NDE1: variants seen among roughly 807,000 people sequenced by gnomAD.
The protein encoded by NDE1 is nuclear distribution protein nudE homolog 1.
In NDE1, 28 loss-of-function variants were observed where a neutral mutation model predicts 43.4. The observed-to-expected ratio is 0.65, with a 90% CI of 0.48 to 0.89. The LOEUF (loss-of-function observed/expected upper bound fraction) is 0.89, where lower values mean the gene tolerates loss of function less well. Among genes scored for constraint, NDE1 ranks in the 40% least tolerant of loss-of-function variants. NDE1 has a pLI of 0.00. For missense variants in NDE1, 441 were observed against 434.1 expected, an observed-to-expected ratio of 1.02 and a Z score of -0.14; for synonymous variants, 184 against 172.0, an observed-to-expected ratio of 1.07 and a Z score of -0.55.
rs564322384 is a variant in NDE1, at chr16:15,717,001, C to T, written c.948-7190C>T. 5.0e-4 allele frequency: 487 copies of T among 966,618 alleles called. 3 individuals carry two copies. Among genetic ancestry groups the T allele is most frequent in the Non-Finnish European group, 7.5e-4 (448 of 599,274 alleles). The allele number at this position is 966,618 out of a possible 1,614,324, so 59.9% of individuals were successfully genotyped here. On this transcript the variant is annotated intron_variant, in intron 8 of 8. Coordinates refer to ENST00000396354, the MANE Select transcript of NDE1 (RefSeq NM_017668.3). ...CTGTGTTTACGTTCAGTTCTCACAA[C>T]ATACCTGCACTGTAGGCATCACAGA...
At chr16:15,715,401 C>A in intron 8 of NDE1, 1 of 803,376 alleles carries the variant, frequency 1.2e-6, no homozygotes, top group South Asian at 1.4e-5. Context: ...AAGAATCAGT[C>A]AGATGGTGGA....
At chr16:15,661,852 C>G (rs1037697348) in intron 1 of NDE1, among the ~76,000 whole-genome samples, 1 of 152,120 alleles carries the variant, frequency 6.6e-6, no homozygotes, top group South Asian at 2.1e-4. Context: ...TCCCCTGCCC[C>G]GAAAAGTCAT....
upstream of NDE1, among the ~76,000 whole-genome samples, chr16:15,646,644 A>G (rs558926862): frequency 1.0e-3 from 158 of 152,220 alleles, 1 homozygote; most frequent in African/African-American, 3.5e-3. Context: ...AGGCAGGAGA[A>G]TCGCTTGAAC....
At chr16:15,685,868 C>G (rs2038410552) in intron 4 of NDE1, among the ~76,000 whole-genome samples, 1 of 151,646 alleles carries the variant, frequency 6.6e-6, no homozygotes, top group Non-Finnish European at 1.5e-5. Context: ...GGTCTGGGGA[C>G]AGACACAGGG....
At chr16:15,677,991 TCTG>T (rs1322798446) in intron 4 of NDE1, 42 bp downstream of exon 4, 3 of 1,611,928 alleles carry the variant, frequency 1.9e-6, no homozygotes, top group Non-Finnish European at 2.5e-6. Context: ...GACTCTCCTC[TCTG>T]CTTTTTGTCC....
chr16:15,656,669 T>G (rs1206531436), intron 1 of NDE1, among the ~76,000 whole-genome samples: 1 of 152,002 alleles, frequency 6.6e-6, no homozygotes, highest in African/African-American at 2.4e-5. Flanking sequence ...GCCTCCTGAG[T>G]AGATGGGATT....
chr16:15,717,254 A>G, intron 8 of NDE1: 2 of 1,614,062 alleles, frequency 1.2e-6, no homozygotes, highest in Non-Finnish European at 1.7e-6. Context: ...CTTGCTCCGG[A>G]GCTCCTTGTT....
In NDE1 at chr16:15,718,302, A is replaced by G. The variant is rs193922632; in HGVS notation, c.948-5889A>G. Reference sequence around the variant, plus strand: ...AGTAGGCAGCGTGACTGTGGTGTCCAGGCGGCCCTCACCTGCTGTGTGGCT... The same window carrying G: ...AGTAGGCAGCGTGACTGTGGTGTCCGGGCGGCCCTCACCTGCTGTGTGGCT... On this transcript the variant is annotated intron_variant, in intron 8 of 8. Transcript: ENST00000396354. 5 of 1,608,128 alleles carry G rather than the reference A, an allele frequency of 3.1e-6. No homozygotes were observed. The highest frequency in any genetic ancestry group is 4.2e-6 in the Non-Finnish European group (5 of 1,179,960).
rs777064302 is a variant in NDE1, at chr16:15,696,667, C to A, written c.796-42C>A. 3 of 1,613,980 alleles carry A rather than the reference C, an allele frequency of 1.9e-6. No homozygotes were observed. The East Asian group carries it at 6.7e-5, about 36-fold the overall frequency. On this transcript the variant is annotated intron_variant, in intron 7 of 8. Coordinates refer to ENST00000396354, the MANE Select transcript of NDE1 (RefSeq NM_017668.3). Reference sequence around the variant, plus strand: ...ACAGGCTCTGGTAAGACAGAATAGTCCTTGCCTATAACTTGAGAGATAAAA... The same window carrying A: ...ACAGGCTCTGGTAAGACAGAATAGTACTTGCCTATAACTTGAGAGATAAAA...
chr16:15,686,427 C>T, intron 4 of NDE1: 4 of 985,406 alleles, frequency 4.1e-6, no homozygotes, highest in Non-Finnish European at 4.8e-6. Flanking sequence ...TTATGCCCTT[C>T]ACAAGAAGGG....
At chr16:15,678,505 C>T (rs1223047816) in intron 4 of NDE1, among the ~76,000 whole-genome samples, 1 of 152,128 alleles carries the variant, frequency 6.6e-6, no homozygotes, top group East Asian at 1.9e-4. Flanking sequence ...GCTGGAATTA[C>T]AGGCACGTGC....
chr16:15,668,797 C>CT (rs1304296793), intron 3 of NDE1, among the ~76,000 whole-genome samples: 3 of 152,220 alleles, frequency 2.0e-5, no homozygotes, highest in African/African-American at 7.2e-5. Context: ...GTGTTGCACT[C>CT]TGCCAGTTCA....
At chr16:15,690,353 CTTTTTTTTTTTTTTTTT>C (rs869069843) in intron 5 of NDE1, among the ~76,000 whole-genome samples, 7 of 80,990 alleles carry the variant, frequency 8.6e-5, no homozygotes, top group South Asian at 5.1e-4. Context: ...TTTTTTTTTT[CTTTTTTTTTTTTTTTTT>C]TTTTTTTTTT....
chr16:15,684,438 CA>C (rs1567645939), intron 4 of NDE1: 1 of 151,602 alleles, frequency 6.6e-6, no homozygotes. Context: ...ACTAAAAATA[CA>C]AAAATTAGCA....
intron 8 of NDE1, chr16:15,717,151 C>T (rs778962623): frequency 5.6e-6 from 9 of 1,614,200 alleles, no homozygotes; most frequent in South Asian, 4.4e-5. Context: ...TGGCCTCCTG[C>T]TCGACCTGCT....
rs144421849 is a variant in NDE1 at position 15,718,384 on chromosome 16, C to G, written c.948-5807C>G. 3.2e-4 allele frequency: 512 copies of G among 1,604,814 alleles called. 8 individuals are homozygous for G. The highest frequency in any genetic ancestry group is 3.1e-3 in the South Asian group (280 of 90,334). On this transcript the variant is annotated intron_variant, in intron 8 of 8. Coordinates refer to ENST00000396354, the MANE Select transcript of NDE1 (RefSeq NM_017668.3). ...TGCCCTGCTCCTCCTCCAGCTCCTC[C>G]TCCAGCTGGGCGATCCGGGCCTCCA...
chr16:15,650,207 G>C (rs549333321), upstream of NDE1: 858 of 180,166 alleles, frequency 4.8e-3, 17 homozygotes, highest in East Asian at 0.049. Flanking sequence ...CTCCGGGGCG[G>C]GGGCGGGGTC....
At chr16:15,705,429 G>A (rs1376294910) in intron 8 of NDE1, among the ~76,000 whole-genome samples, 1 of 152,028 alleles carries the variant, frequency 6.6e-6, no homozygotes, top group African/African-American at 2.4e-5. Flanking sequence ...TGGGTAGGAG[G>A]AAGAGAGTGG....
At chr16:15,684,960 A>G (rs750733748) in intron 4 of NDE1, among the ~76,000 whole-genome samples, 8 of 152,204 alleles carry the variant, frequency 5.3e-5, no homozygotes, top group Non-Finnish European at 1.0e-4. Context: ...TCCTCTGATC[A>G]TTCTTGTTTC....
Sources: allele counts gnomAD v4.1 joint callset (sites outside exome capture counted in the v4.1 genomes callset), GRCh38; gene constraint gnomAD v4.1.1; transcripts MANE v1.5; gene names NCBI Gene and HGNC (gene_info 2026-07-23, HGNC 2026-07-21).